ADIPOR2: variants seen among roughly 807,000 people sequenced by gnomAD.
ADIPOR2 encodes adiponectin receptor 2.
In ADIPOR2, 18 loss-of-function variants were observed where a neutral mutation model predicts 40.9. The ratio of observed to expected loss-of-function variants is 0.44; its 90% confidence interval spans 0.30 to 0.65. ADIPOR2 has a LOEUF of 0.65. Among genes scored for constraint, ADIPOR2 ranks in the 30% least tolerant of loss-of-function variants. The pLI is 0.09. For missense variants in ADIPOR2, 283 were observed against 479.2 expected (o/e 0.59, Z 3.82); for synonymous variants, 165 against 166.4 (o/e 0.99, Z 0.06).
chr12:1,708,518 C>A (rs1395973987), intron 1 of ADIPOR2, among the ~76,000 whole-genome samples: 1 of 152,072 alleles, frequency 6.6e-6, no homozygotes, highest in Non-Finnish European at 1.5e-5. Flanking sequence ...TACATTTAAG[C>A]CTATGATCTA....
At chr12:1,773,285 G>A (rs944837867) in intron 3 of ADIPOR2, among the ~76,000 whole-genome samples, 6 of 152,208 alleles carry the variant, frequency 3.9e-5, no homozygotes, top group Non-Finnish European at 8.8e-5. Flanking sequence ...GTTGACGCCT[G>A]GAGATATGAA....
chr12:1,703,129 ATATAT>A (rs754892533), intron 1 of ADIPOR2: 19 of 152,372 alleles, frequency 1.2e-4, no homozygotes, highest in South Asian at 2.1e-4. Context: ...AATGTTAAAA[ATATAT>A]TATATGTATC....
intron 1 of ADIPOR2, chr12:1,703,038 ACT>A (rs1161259487): frequency 6.6e-6 from 1 of 152,172 alleles, no homozygotes. Flanking sequence ...ACTCTTAGGA[ACT>A]CTCATATAAA....
At chr12:1,712,993 G>T (rs2094680625) in intron 1 of ADIPOR2, among the ~76,000 whole-genome samples, 1 of 152,048 alleles carries the variant, frequency 6.6e-6, no homozygotes. Flanking sequence ...TTCCGAACTG[G>T]CAGCCAAAAG....
chr12:1,757,923 C>T lies in ADIPOR2; in HGVS notation c.171+3409C>T, dbSNP rs148502128. ...CAACTTGTGGGGACTAGTGGATGGA[C>T]GAGGAGCAAACACACCGGTCAATTT... On this transcript the variant is annotated intron_variant, in intron 2 of 7. Transcript: ENST00000357103. 332 of 889,244 alleles carry T rather than the reference C, an allele frequency of 3.7e-4. No individual in the cohort carries two copies. The African/African-American group carries it at 4.0e-3, about 11-fold the overall frequency. 55.1% of individuals were successfully genotyped at this position (889,244 alleles called of 1,614,324 possible). A position where few individuals can be genotyped will look rare whatever the true frequency, so the allele number is the denominator to read the frequency against.
At chr12:1,694,721 A>T (rs370782668) in intron 1 of ADIPOR2, among the ~76,000 whole-genome samples, 1 of 152,218 alleles carries the variant, frequency 6.6e-6, no homozygotes, top group African/African-American at 2.4e-5. Flanking sequence ...CAGGGGCAAC[A>T]GTTTGATATA....
In ADIPOR2 at chr12:1,786,437, TTC is replaced by T. The variant is rs774999225; in HGVS notation, c.*375_*376del. 1.0e-5 allele frequency: 2 copies of T among 199,446 alleles called. No individual in the cohort carries two copies. Among genetic ancestry groups the T allele is most frequent in the South Asian group, 1.3e-4 (1 of 7,658 alleles). The allele number at this position is 199,446 out of a possible 1,614,324, so 12.4% of individuals were successfully genotyped here. A position where few individuals can be genotyped will look rare whatever the true frequency, so the allele number is the denominator to read the frequency against. On this transcript the variant is annotated 3_prime_UTR_variant, in exon 8 of 8. Transcript: ENST00000357103. ...TAGCTGGTGGTTCTTTCTTCTCCCT[TTC>T]TCTCTCTCTATGACAATAATACAAA... is the stretch of plus-strand genomic sequence containing the variant.
chr12:1,747,791 A>C (rs530498702), intron 1 of ADIPOR2, among the ~76,000 whole-genome samples: 81 of 152,138 alleles, frequency 5.3e-4, no homozygotes, highest in African/African-American at 1.9e-3. Context: ...GTCAGCTGCT[A>C]ATCTTACTGG....
intron 2 of ADIPOR2, chr12:1,772,618 G>A (rs1862511790): frequency 2.5e-6 from 1 of 404,514 alleles, no homozygotes; most frequent in African/African-American, 2.1e-5. Flanking sequence ...CAGAGATGCT[G>A]CTATAGTAGA....
chr12:1,710,739 G>T (rs2094674952), intron 1 of ADIPOR2, among the ~76,000 whole-genome samples: 1 of 152,076 alleles, frequency 6.6e-6, no homozygotes, highest in Non-Finnish European at 1.5e-5. Context: ...AAAGTTGGTT[G>T]ACCCTGTAGC....
chr12:1,722,506 A>G (rs1465350042), intron 1 of ADIPOR2, among the ~76,000 whole-genome samples: 1 of 152,166 alleles, frequency 6.6e-6, no homozygotes, highest in Non-Finnish European at 1.5e-5. Flanking sequence ...TTGGTAAGTG[A>G]CCTTGACAAG....
intron 1 of ADIPOR2, among the ~76,000 whole-genome samples, chr12:1,751,716 C>T (rs950902957): frequency 2.0e-5 from 3 of 151,080 alleles, no homozygotes; most frequent in African/African-American, 7.3e-5. Flanking sequence ...AGGTGGGTCT[C>T]ACTTTGTTGC....
intron 2 of ADIPOR2, among the ~76,000 whole-genome samples, chr12:1,767,296 A>G (rs1210128676): frequency 6.9e-6 from 1 of 143,910 alleles, no homozygotes; most frequent in Non-Finnish European, 1.5e-5. Context: ...AAAAAAAAAG[A>G]TAGAATTGCT....
chr12:1,729,082 C>T (rs2094714295), intron 1 of ADIPOR2, among the ~76,000 whole-genome samples: 1 of 151,086 alleles, frequency 6.6e-6, no homozygotes, highest in East Asian at 2.0e-4. Flanking sequence ...CATAATCTCC[C>T]TTTGTAAACT....
intron 1 of ADIPOR2, among the ~76,000 whole-genome samples, chr12:1,691,444 G>C (rs1312392270): frequency 6.6e-6 from 1 of 152,202 alleles, no homozygotes; most frequent in Non-Finnish European, 1.5e-5. Flanking sequence ...TGTCGGAGGA[G>C]TCCGGCGCCC....
At chr12:1,714,420 G>C (rs916358746) in intron 1 of ADIPOR2, among the ~76,000 whole-genome samples, 1 of 152,082 alleles carries the variant, frequency 6.6e-6, no homozygotes, top group Admixed American at 6.5e-5. Flanking sequence ...AGCTGACTGG[G>C]TAATAAACTT....
Position 1,786,583 on chromosome 12 carries a change from A to G in ADIPOR2, c.*511A>G, listed in dbSNP as rs1226179920. On this transcript the variant is annotated 3_prime_UTR_variant, in exon 8 of 8. Transcript: ENST00000357103. ...TCTAACTGTTTAAATAAGACTTTAT[A>G]TAAATGTTTAAAACATAGGGGTAAG... 1 of 153,582 alleles carries G rather than the reference A, an allele frequency of 6.5e-6. No individual in the cohort carries two copies. The highest frequency in any genetic ancestry group is 1.5e-5 in the Non-Finnish European group (1 of 68,686). 9.5% of individuals were successfully genotyped at this position (153,582 alleles called of 1,614,324 possible). A position where few individuals can be genotyped will look rare whatever the true frequency, so the allele number is the denominator to read the frequency against.
chr12:1,753,599 T>C (rs1054737709), intron 1 of ADIPOR2, among the ~76,000 whole-genome samples: 1 of 152,234 alleles, frequency 6.6e-6, no homozygotes, highest in Non-Finnish European at 1.5e-5. Flanking sequence ...CATTAAGCCT[T>C]TTGAATACAA....
Position 1,773,110 on chromosome 12 carries a change from A to G in ADIPOR2, c.291+149A>G, listed in dbSNP as rs1217368591. 1.3e-5 allele frequency: 13 copies of G among 974,828 alleles called. No homozygotes were observed. The East Asian group carries it at 1.4e-4, about 11-fold the overall frequency. The allele number at this position is 974,828 out of a possible 1,614,324, so 60.4% of individuals were successfully genotyped here. A position where few individuals can be genotyped will look rare whatever the true frequency, so the allele number is the denominator to read the frequency against. On this transcript the variant is annotated intron_variant, in intron 3 of 7. Transcript: ENST00000357103. ...GGGACAGAAGTGGTCTTGGGACTCT[A>G]ATCCTGTTGAAGACAGAATACATTT...
Sources: allele counts gnomAD v4.1 joint callset (sites outside exome capture counted in the v4.1 genomes callset), GRCh38; gene constraint gnomAD v4.1.1; transcripts MANE v1.5; gene names NCBI Gene and HGNC (gene_info 2026-07-23, HGNC 2026-07-21).